The following PPM1H variants were observed in gnomAD, a reference collection of about 807,000 sequenced individuals.
PPM1H encodes the protein protein phosphatase 1H.
PPM1H carries 27 observed loss-of-function variants against 54.9 expected under a neutral mutation model. The observed-to-expected ratio is 0.49, with a 90% confidence interval of 0.36 to 0.68. The LOEUF is 0.68. Among genes scored for constraint, PPM1H ranks in the 30% least tolerant of loss-of-function variants. The pLI, the probability that PPM1H is intolerant of heterozygous loss-of-function variation, is 0.00. For synonymous variants in PPM1H, 305 were observed against 270.8 expected (o/e 1.13, Z -1.24); for missense variants, 596 against 667.8 (o/e 0.89, Z 1.19).
At chr12:62,807,045 A>G (rs1377673195) in intron 2 of PPM1H, among the ~76,000 whole-genome samples, 2 of 152,144 alleles carry the variant, frequency 1.3e-5, no homozygotes, top group Non-Finnish European at 2.9e-5. Flanking sequence ...AATCCCAAGC[A>G]GTAGCAACAG....
chr12:62,665,888 C>T (rs1016769424), intron 9 of PPM1H, among the ~76,000 whole-genome samples: 1 of 152,056 alleles, frequency 6.6e-6, no homozygotes, highest in East Asian at 1.9e-4. Flanking sequence ...CAGGCATGCA[C>T]CACCATGCTC....
At chr12:62,802,307 A>C (rs2076775834) in intron 2 of PPM1H, 147 bp from the exon 3 acceptor site, 1 of 587,248 alleles carries the variant, frequency 1.7e-6, no homozygotes, top group Admixed American at 3.8e-5. Flanking sequence ...CAAACAAAAC[A>C]AAATAAAACA....
chr12:62,841,657 G>A lies in PPM1H; in HGVS notation c.246-9378C>T, dbSNP rs182450568. Among the ~76,000 whole-genome samples the A allele has an allele frequency of 7.9e-5, 12 of 152,316 alleles. No individual in the cohort carries two copies. In the East Asian group the frequency reaches 2.1e-3, roughly 27 times the overall value. On this transcript the variant is annotated intron_variant, in intron 1 of 9. Transcript: ENST00000228705. The stretch of plus-strand genomic sequence containing the variant: ...TAGTTACACGTAATACATAGGTGAA[G>A]CAAAAGAGAGATACAGGTTTGGGTA...
chr12:62,918,889 TATCA>T (rs1323562001), intron 1 of PPM1H, among the ~76,000 whole-genome samples: 6 of 152,198 alleles, frequency 3.9e-5, no homozygotes, highest in Non-Finnish European at 5.9e-5. Flanking sequence ...GCACACAAAT[TATCA>T]ATCGAAGCTA....
At chr12:62,831,722 TGTGTGTGA>T (rs1284830711) in intron 2 of PPM1H, among the ~76,000 whole-genome samples, 5 of 151,362 alleles carry the variant, frequency 3.3e-5, no homozygotes, top group African/African-American at 1.2e-4. Context: ...TGTGTGTGTG[TGTGTGTGA>T]GTGTGTGTGT....
At chr12:62,822,656 T>C (rs995667117) in intron 2 of PPM1H, among the ~76,000 whole-genome samples, 1 of 151,986 alleles carries the variant, frequency 6.6e-6, no homozygotes, top group Non-Finnish European at 1.5e-5. Flanking sequence ...GGGTACATAA[T>C]GAAATGAAGG....
intron 6 of PPM1H, among the ~76,000 whole-genome samples, chr12:62,712,278 C>G (rs879908485): frequency 1.2e-4 from 19 of 152,232 alleles, no homozygotes; most frequent in Non-Finnish European, 2.5e-4. Flanking sequence ...CTGCCCCTGT[C>G]TCTACAAGGT....
At chr12:62,688,050 T>C (rs1473660869) in intron 8 of PPM1H, among the ~76,000 whole-genome samples, 1 of 151,324 alleles carries the variant, frequency 6.6e-6, no homozygotes, top group Non-Finnish European at 1.5e-5. Context: ...TAATTACACA[T>C]TGTAGTAAAT....
At chr12:62,901,460 G>A (rs1474363495) in intron 1 of PPM1H, among the ~76,000 whole-genome samples, 1 of 152,204 alleles carries the variant, frequency 6.6e-6, no homozygotes, top group Non-Finnish European at 1.5e-5. Context: ...TTGGCAGTTT[G>A]TGCCTTCAGG....
intron 1 of PPM1H, among the ~76,000 whole-genome samples, chr12:62,849,569 A>T (rs914021759): frequency 6.6e-6 from 1 of 152,186 alleles, no homozygotes. Flanking sequence ...CTAGTATCAT[A>T]CAAGCCAAGT....
At chr12:62,878,785 C>G (rs1209464451) in intron 1 of PPM1H, among the ~76,000 whole-genome samples, 1 of 151,944 alleles carries the variant, frequency 6.6e-6, no homozygotes, top group African/African-American at 2.4e-5. Context: ...ACTAAAAATA[C>G]AAAAATTGGC....
At position 62,934,770 on chromosome 12, in the gene PPM1H, A is replaced by C. The variant is rs1299004840; in HGVS notation, c.-34T>G. On this transcript the variant is annotated 5_prime_UTR_variant, in exon 1 of 10. Coordinates refer to ENST00000228705, the MANE Select transcript of PPM1H (RefSeq NM_020700.2). The surrounding 1 kb of genome is among the most constrained non-coding windows in gnomAD (Gnocchi z 4.2). Reference sequence around the variant, plus strand: ...GGCGCCCGGCTGCAGCGGTGCGAGCAGGAGGCGGCGGGGGCCGGGCAAGGC... The same window carrying C: ...GGCGCCCGGCTGCAGCGGTGCGAGCCGGAGGCGGCGGGGGCCGGGCAAGGC... The C allele has an allele frequency of 1.1e-5, 16 of 1,469,894 alleles. No individual in the cohort carries two copies. The East Asian group carries it at 4.4e-4, about 40-fold the overall frequency. 91.1% of individuals were successfully genotyped at this position (1,469,894 alleles called of 1,614,324 possible).
chr12:62,737,856 G>A (rs2076359231), intron 4 of PPM1H, among the ~76,000 whole-genome samples: 1 of 152,078 alleles, frequency 6.6e-6, no homozygotes, highest in Non-Finnish European at 1.5e-5. Context: ...CATACTTCTT[G>A]GCACATAACA....
intron 9 of PPM1H, among the ~76,000 whole-genome samples, chr12:62,662,923 T>C (rs919142363): frequency 1.3e-5 from 2 of 152,238 alleles, no homozygotes; most frequent in South Asian, 4.1e-4. Flanking sequence ...ATAGTTTTAA[T>C]GTCTATATCC....
At chr12:62,927,962 G>A (rs1011972549) in intron 1 of PPM1H, among the ~76,000 whole-genome samples, 2 of 152,060 alleles carry the variant, frequency 1.3e-5, no homozygotes, top group African/African-American at 4.8e-5. Flanking sequence ...TATTTCATTA[G>A]ACACAGTGAA....
At chr12:62,833,284 T>G (rs531769248) in intron 1 of PPM1H, among the ~76,000 whole-genome samples, 71 of 152,330 alleles carry the variant, frequency 4.7e-4, no homozygotes, top group African/African-American at 1.7e-3. Flanking sequence ...ATAAGTGTGG[T>G]GTGTACACTG....
In PPM1H at chr12:62,739,061, G is replaced by C. The variant is rs189769525; in HGVS notation, c.870-1475C>G. Among the ~76,000 whole-genome samples the C allele has an allele frequency of 6.6e-5, 10 of 150,560 alleles. No homozygotes were observed. In the East Asian group the frequency reaches 2.0e-3, roughly 29 times the overall value. On this transcript the variant is annotated intron_variant, in intron 4 of 9. Coordinates refer to ENST00000228705, the MANE Select transcript of PPM1H (RefSeq NM_020700.2). The stretch of plus-strand genomic sequence containing the variant: ...GATGACAAAAATCTTAGGGGTTTTA[G>C]AGAACTTATGACTCTAGGAAAAAAA...
chr12:62,872,414 A>T (rs1246303222), intron 1 of PPM1H, among the ~76,000 whole-genome samples: 1 of 152,176 alleles, frequency 6.6e-6, no homozygotes, highest in Non-Finnish European at 1.5e-5. Flanking sequence ...TTCTCCTAAA[A>T]TCACAATGAA....
chr12:62,663,768 C>G (rs1382779535), intron 9 of PPM1H, among the ~76,000 whole-genome samples: 2 of 152,072 alleles, frequency 1.3e-5, no homozygotes, highest in African/African-American at 2.4e-5. Context: ...GAGGTGGGCG[C>G]ATCACCTGAG....
Sources: gnomAD v4.1 joint callset for allele counts (sites outside exome capture counted in the v4.1 genomes callset) on GRCh38, gnomAD v4.1.1 for gene constraint, Gnocchi (gnomAD v3.1) non-coding constraint, MANE v1.5 for transcripts, NCBI Gene and HGNC (gene_info 2026-07-23, HGNC 2026-07-21) for gene names.